The following COMMD1 variants were observed in gnomAD, a reference collection of about 807,000 sequenced individuals.
COMMD1 encodes COMM domain-containing protein 1.
Under a neutral mutation model 17.2 loss-of-function variants are expected in COMMD1, and 10 were observed. The observed-to-expected ratio is 0.58, with a 90% CI of 0.36 to 0.99. The LOEUF (loss-of-function observed/expected upper bound fraction) is 0.99, where lower values mean the gene tolerates loss of function less well. Ranked by LOEUF, COMMD1 falls within the 50% of genes least tolerant of loss-of-function variation. COMMD1 has a pLI of 0.01. For missense variants in COMMD1, 270 were observed against 231.8 expected, an observed-to-expected ratio of 1.17 and a Z score of -1.07; for synonymous variants, 97 against 91.6, an observed-to-expected ratio of 1.06 and a Z score of -0.34.
At chr2:61,945,236 C>G (rs1276342851) in intron 1 of COMMD1, among the ~76,000 whole-genome samples, 1 of 152,204 alleles carries the variant, frequency 6.6e-6, no homozygotes, top group Non-Finnish European at 1.5e-5. Context: ...TACTATGCTA[C>G]AAGCAGGAAA....
chr2:62,078,631 G>A (rs1175054946), intron 2 of COMMD1, among the ~76,000 whole-genome samples: 1 of 151,326 alleles, frequency 6.6e-6, no homozygotes, highest in Non-Finnish European at 1.5e-5. Context: ...CACTTTGGGA[G>A]GCCGAGGTGG....
chr2:62,071,887 C>A (rs1031661247), intron 2 of COMMD1, among the ~76,000 whole-genome samples: 5 of 151,894 alleles, frequency 3.3e-5, no homozygotes, highest in African/African-American at 1.2e-4. Flanking sequence ...TAAGACTGAC[C>A]AAACAGACTC....
At chr2:62,109,775 T>A (rs1672406081) in intron 2 of COMMD1, among the ~76,000 whole-genome samples, 1 of 152,148 alleles carries the variant, frequency 6.6e-6, no homozygotes, top group Non-Finnish European at 1.5e-5. Flanking sequence ...AACAACTAGA[T>A]AAGAATGTGA....
intron 2 of COMMD1, among the ~76,000 whole-genome samples, chr2:62,078,091 C>G (rs139592092): frequency 6.6e-6 from 1 of 151,368 alleles, no homozygotes; most frequent in Non-Finnish European, 1.5e-5. Context: ...CTGACTAACA[C>G]GGTGAAACCC....
intron 2 of COMMD1, among the ~76,000 whole-genome samples, chr2:62,060,649 CTTG>C (rs770220639): frequency 6.6e-6 from 1 of 152,056 alleles, no homozygotes; most frequent in Admixed American, 6.6e-5. Flanking sequence ...TTTAGCATTT[CTTG>C]TTGTGCAGGT....
At chr2:61,933,947 T>C (rs1434373157) in intron 1 of COMMD1, among the ~76,000 whole-genome samples, 2 of 152,006 alleles carry the variant, frequency 1.3e-5, no homozygotes, top group East Asian at 3.9e-4. Context: ...GTATTTTTAG[T>C]AGAGATGGGG....
rs79479185 is a variant in COMMD1, at chr2:62,108,168, A to G, written c.463-27663A>G. Among the ~76,000 whole-genome samples, 683 of 152,326 alleles carry G rather than the reference A, an allele frequency of 4.5e-3. 6 individuals carry two copies. Among genetic ancestry groups the G allele is most frequent in the African/African-American group, 0.015 (641 of 41,570 alleles). On this transcript the variant is annotated intron_variant, in intron 2 of 2. Coordinates refer to ENST00000311832, the MANE Select transcript of COMMD1 (RefSeq NM_152516.4). ...TAAAGTATACATTGGCATCACATAT[A>G]TTGGCATCACAATGCCTAAAAGTAT...
intron 2 of COMMD1, among the ~76,000 whole-genome samples, chr2:62,094,022 C>T (rs1354482104): frequency 6.6e-6 from 1 of 152,124 alleles, no homozygotes; most frequent in East Asian, 1.9e-4. Flanking sequence ...CAGTAATGCC[C>T]CTGGTTGTCC....
At chr2:62,112,136 C>G (rs892884614) in intron 2 of COMMD1, among the ~76,000 whole-genome samples, 25 of 152,194 alleles carry the variant, frequency 1.6e-4, no homozygotes, top group African/African-American at 5.8e-4. Context: ...AGTCCTGAGA[C>G]TTTGCCAGTT....
intron 1 of COMMD1, among the ~76,000 whole-genome samples, chr2:61,949,913 A>G (rs1383947993): frequency 1.3e-5 from 2 of 152,224 alleles, no homozygotes; most frequent in East Asian, 1.9e-4. Context: ...ACATAGACCC[A>G]CTGGCAGGTA....
At chr2:61,970,166 G>A (rs1216977263) in intron 1 of COMMD1, among the ~76,000 whole-genome samples, 3 of 151,832 alleles carry the variant, frequency 2.0e-5, no homozygotes, top group Non-Finnish European at 2.9e-5. Context: ...ACTGAGGCAG[G>A]GGAATCGCTT....
chr2:62,014,542 C>CTTTTTTTTTTTTTTTTTTTTTTTTTTTTT (rs67886279), intron 2 of COMMD1, among the ~76,000 whole-genome samples: 2 of 63,534 alleles, frequency 3.1e-5, no homozygotes, highest in African/African-American at 1.4e-4. Flanking sequence ...CCATTTTAAC[C>CTTTTTTTTTTTTTTTTTTTTTTTTTTTTT]TTTTTTTTTT....
chr2:62,123,704 T>G (rs1672815074), intron 2 of COMMD1, among the ~76,000 whole-genome samples: 1 of 151,888 alleles, frequency 6.6e-6, no homozygotes, highest in Non-Finnish European at 1.5e-5. Context: ...ACTTTTCTGA[T>G]TCTTTTATAT....
chr2:61,948,905 A>G (rs960003045), intron 1 of COMMD1, among the ~76,000 whole-genome samples: 1 of 152,194 alleles, frequency 6.6e-6, no homozygotes, highest in Non-Finnish European at 1.5e-5. Context: ...CAGGGACTTG[A>G]GGAGGTGGAG....
intron 1 of COMMD1, chr2:61,968,896 A>T (rs750986453): frequency 4.2e-6 from 1 of 236,592 alleles, no homozygotes; most frequent in Non-Finnish European, 9.0e-6. Context: ...ACAATTTGAG[A>T]TTTGATTCTC....
At chr2:61,923,145 A>G (rs1166062521) in intron 1 of COMMD1, among the ~76,000 whole-genome samples, 2 of 152,206 alleles carry the variant, frequency 1.3e-5, no homozygotes, top group African/African-American at 4.8e-5. Flanking sequence ...TCAAAAACAG[A>G]AACTGCTACT....
At chr2:62,003,605 TACACACACACAC>T (rs57628894) in intron 2 of COMMD1, among the ~76,000 whole-genome samples, 12 of 146,254 alleles carry the variant, frequency 8.2e-5, no homozygotes, top group East Asian at 4.0e-4. Flanking sequence ...CAGATATTTT[TACACACACACAC>T]ACACACACAC....
intron 2 of COMMD1, among the ~76,000 whole-genome samples, chr2:62,123,544 G>A (rs950961095): frequency 4.7e-5 from 7 of 149,588 alleles, no homozygotes; most frequent in African/African-American, 1.5e-4. Flanking sequence ...CAGGAAGGAA[G>A]GAAGGAAGGA....
chr2:61,905,979 C>T (rs944700381), intron 1 of COMMD1, 121 bp downstream of exon 1: 14 of 952,614 alleles, frequency 1.5e-5, no homozygotes, highest in Middle Eastern at 3.0e-4. Flanking sequence ...TCTCAGACCT[C>T]CACTCCGTGG....
Sources: gnomAD v4.1 joint callset for allele counts (sites outside exome capture counted in the v4.1 genomes callset) on GRCh38, gnomAD v4.1.1 for gene constraint, MANE v1.5 for transcripts, NCBI Gene and HGNC (gene_info 2026-07-23, HGNC 2026-07-21) for gene names.